VAV3: variants seen among roughly 807,000 people sequenced by gnomAD.
VAV3 encodes vav guanine nucleotide exchange factor 3, also known as guanine nucleotide exchange factor VAV3.
A neutral mutation model predicts 131.2 loss-of-function variants in VAV3; 94 were observed. That is an observed-to-expected ratio of 0.72 (90% CI 0.61 to 0.85). The LOEUF (loss-of-function observed/expected upper bound fraction) is 0.85, where lower values mean the gene tolerates loss of function less well. Ranked by LOEUF, VAV3 falls within the 40% of genes least tolerant of loss-of-function variation. VAV3 has a pLI of 0.00. For missense variants in VAV3, 939 were observed against 1,002.7 expected, an observed-to-expected ratio of 0.94 and a Z score of 0.86; for synonymous variants, 349 against 342.0, an observed-to-expected ratio of 1.02 and a Z score of -0.22.
chr1:107,624,698 TAGCACCATA>T (rs1653878079), intron 20 of VAV3, among the ~76,000 whole-genome samples: 1 of 152,182 alleles, frequency 6.6e-6, no homozygotes, highest in South Asian at 2.1e-4. Flanking sequence ...TTCTGAGTCA[TAGCACCATA>T]AACACTAAAT....
At chr1:107,864,836 G>A (rs1488913807) in intron 2 of VAV3, among the ~76,000 whole-genome samples, 2 of 152,116 alleles carry the variant, frequency 1.3e-5, no homozygotes, top group African/African-American at 4.8e-5. Flanking sequence ...CCTTAACTTG[G>A]ATAGTGATGG....
chr1:107,724,477 C>CA (rs1374769417), intron 15 of VAV3, among the ~76,000 whole-genome samples: 3 of 151,908 alleles, frequency 2.0e-5, no homozygotes, highest in East Asian at 3.9e-4. Context: ...TGTACTGGGA[C>CA]AAAAAATACA....
chr1:107,852,995 G>C (rs532243066), intron 2 of VAV3, among the ~76,000 whole-genome samples: 5 of 151,934 alleles, frequency 3.3e-5, no homozygotes, highest in Middle Eastern at 3.4e-3. Context: ...AAGGCTTGTA[G>C]GTTTTTTTTT....
At chr1:107,944,744 A>G (rs546786852) in intron 1 of VAV3, among the ~76,000 whole-genome samples, 18 of 152,250 alleles carry the variant, frequency 1.2e-4, no homozygotes, top group Middle Eastern at 3.4e-3. Flanking sequence ...AGCTGGGACT[A>G]TTGGCGTCCA....
intron 17 of VAV3, among the ~76,000 whole-genome samples, chr1:107,693,724 G>A (rs1348242760): frequency 1.3e-5 from 2 of 152,124 alleles, no homozygotes; most frequent in Non-Finnish European, 2.9e-5. Context: ...ATGATATTAA[G>A]TGCCACTCCT....
intron 4 of VAV3, among the ~76,000 whole-genome samples, chr1:107,776,691 A>C (rs1665376438): frequency 6.6e-6 from 1 of 152,222 alleles, no homozygotes; most frequent in Non-Finnish European, 1.5e-5. Context: ...TTGAGGAGTA[A>C]CGATCACGCA....
chr1:107,694,922 G>A (rs150985081), intron 17 of VAV3, among the ~76,000 whole-genome samples: 1 of 152,288 alleles, frequency 6.6e-6, no homozygotes, highest in African/African-American at 2.4e-5. Context: ...ATGATGTCAG[G>A]GGAGCACAGA....
intron 2 of VAV3, among the ~76,000 whole-genome samples, chr1:107,824,761 T>C (rs1210210402): frequency 1.3e-5 from 2 of 152,152 alleles, no homozygotes; most frequent in African/African-American, 4.8e-5. Flanking sequence ...ATGTATTCCT[T>C]ATAATCACTA....
At chr1:107,909,909 C>T (rs1672289291) in intron 1 of VAV3, among the ~76,000 whole-genome samples, 1 of 152,104 alleles carries the variant, frequency 6.6e-6, no homozygotes, top group Non-Finnish European at 1.5e-5. Context: ...CTTCACATTC[C>T]AAATCGGTTA....
intron 2 of VAV3, among the ~76,000 whole-genome samples, chr1:107,828,502 AT>A (rs1668109361): frequency 1.3e-5 from 2 of 152,272 alleles, no homozygotes; most frequent in South Asian, 4.2e-4. Flanking sequence ...CGCATGTTGA[AT>A]TTTTGACTTA....
intron 24 of VAV3, among the ~76,000 whole-genome samples, chr1:107,599,646 A>AG (rs1651680935): frequency 3.3e-5 from 5 of 152,096 alleles, no homozygotes; most frequent in African/African-American, 1.2e-4. Context: ...GATTCTGATT[A>AG]ACCAAGCTAT....
At chr1:107,941,837 CA>C (rs1235524638) in intron 1 of VAV3, among the ~76,000 whole-genome samples, 13 of 152,106 alleles carry the variant, frequency 8.5e-5, no homozygotes, top group Non-Finnish European at 1.6e-4. Context: ...TCCCAGATGA[CA>C]GAGAATTTTA....
At chr1:107,576,308 A>C in intron 25 of VAV3, 1 of 1,165,842 alleles carries the variant, frequency 8.6e-7, no homozygotes, top group East Asian at 2.7e-5. Context: ...ATGTATCCGT[A>C]TGAGAAGCCA....
intron 2 of VAV3, among the ~76,000 whole-genome samples, chr1:107,839,464 A>T (rs1668603589): frequency 6.6e-6 from 1 of 152,286 alleles, no homozygotes; most frequent in South Asian, 2.1e-4. Flanking sequence ...GAACTTTGAA[A>T]TATTTTAACT....
At chr1:107,831,156 G>A (rs1393992425) in intron 2 of VAV3, among the ~76,000 whole-genome samples, 1 of 151,460 alleles carries the variant, frequency 6.6e-6, no homozygotes, top group East Asian at 1.9e-4. Flanking sequence ...AAATTTTCGG[G>A]TTTTGTGAGT....
At chr1:107,938,908 G>C (rs1324250525) in intron 1 of VAV3, among the ~76,000 whole-genome samples, 1 of 152,220 alleles carries the variant, frequency 6.6e-6, no homozygotes, top group Non-Finnish European at 1.5e-5. Context: ...GCCAATCACA[G>C]AGTTTCAGCC....
intron 2 of VAV3, among the ~76,000 whole-genome samples, chr1:107,793,242 C>A (rs890557308): frequency 9.2e-5 from 14 of 152,102 alleles, no homozygotes; most frequent in African/African-American, 3.4e-4. Context: ...GGGTCAATAC[C>A]TTCATCATGG....
intron 5 of VAV3, among the ~76,000 whole-genome samples, chr1:107,771,002 C>T (rs1004375982): frequency 3.3e-5 from 5 of 152,160 alleles, no homozygotes; most frequent in African/African-American, 1.2e-4. Context: ...AAGTTGGAAA[C>T]ACCATAAATG....
intron 2 of VAV3, among the ~76,000 whole-genome samples, chr1:107,845,959 G>C (rs1039586213): frequency 2.0e-5 from 3 of 152,028 alleles, no homozygotes; most frequent in African/African-American, 7.2e-5. Context: ...ATACCACTAA[G>C]ATACTCCACG....
Sources: allele counts gnomAD v4.1 joint callset (sites outside exome capture counted in the v4.1 genomes callset), GRCh38; gene constraint gnomAD v4.1.1; transcripts MANE v1.5; gene names NCBI Gene and HGNC (gene_info 2026-07-23, HGNC 2026-07-21).